Variants in UEVLD observed in about 807,000 individuals in gnomAD.
UEVLD encodes the protein UEV and lactate/malate dehyrogenase domains.
In UEVLD, 47 loss-of-function variants were observed where a neutral mutation model predicts 58.6. That is an observed-to-expected ratio of 0.80 (90% confidence interval 0.63 to 1.02). The LOEUF (loss-of-function observed/expected upper bound fraction) is 1.02, where lower values mean the gene tolerates loss of function less well. Ranked by LOEUF, UEVLD falls within the 50% of genes least tolerant of loss-of-function variation. The pLI, the probability that UEVLD is intolerant of heterozygous loss-of-function variation, is 0.00. For synonymous variants in UEVLD, 197 were observed against 195.3 expected (o/e 1.01, Z -0.07); for missense variants, 510 against 550.6 (o/e 0.93, Z 0.74).
Position 18,534,347 on chromosome 11 carries a change from C to A in UEVLD, c.1231G>T (p.Val411Leu). 21 of 1,544,586 alleles carry A rather than the reference C, an allele frequency of 1.4e-5. No individual in the cohort carries two copies. Among genetic ancestry groups the A allele is most frequent in the Non-Finnish European group, 1.8e-5 (21 of 1,154,128 alleles). ...GCAATTACCTTTGCTAAAGCTGATACAGAATGCACTTTCTTCTTATTGTTT... is the reference window on the plus strand; with the variant it reads ...GCAATTACCTTTGCTAAAGCTGATAAAGAATGCACTTTCTTCTTATTGTTT... Reference protein sequence around the residue: ...IVNNKKKVHSVSALAKGYYDI... With the variant: ...IVNNKKKVHSLSALAKGYYDI... The change falls in exon 11 of 12, where the codon GTA becomes TTA. Residue 411 changes from valine (V) to leucine (L), a missense_variant. By Grantham distance (32) the Val-to-Leu change is conservative (BLOSUM62 1). Transcript: ENST00000396197.
intron 8 of UEVLD, among the ~76,000 whole-genome samples, chr11:18,545,432 T>A (rs932552677): frequency 6.6e-6 from 1 of 151,188 alleles, no homozygotes; most frequent in Non-Finnish European, 1.5e-5. Flanking sequence ...TACATTTTAC[T>A]GTGTTTTGTT....
chr11:18,542,197 T>G (rs1005603532), intron 9 of UEVLD, among the ~76,000 whole-genome samples: 2 of 152,152 alleles, frequency 1.3e-5, no homozygotes, highest in African/African-American at 4.8e-5. Flanking sequence ...ATTATTATTT[T>G]CACATCATTT....
At chr11:18,586,095 T>C (rs934804638) in intron 1 of UEVLD, among the ~76,000 whole-genome samples, 5 of 152,254 alleles carry the variant, frequency 3.3e-5, no homozygotes, top group Non-Finnish European at 7.3e-5. Flanking sequence ...AACTGGGATA[T>C]CTATTTAATT....
chr11:18,541,981 T>A (rs1851074907), intron 9 of UEVLD, among the ~76,000 whole-genome samples: 1 of 152,140 alleles, frequency 6.6e-6, no homozygotes, highest in African/African-American at 2.4e-5. Context: ...CTTCCAGCTC[T>A]CTAATAACGT....
At chr11:18,586,227 T>A (rs1477956365) in intron 1 of UEVLD, among the ~76,000 whole-genome samples, 1 of 152,170 alleles carries the variant, frequency 6.6e-6, no homozygotes, top group African/African-American at 2.4e-5. Flanking sequence ...TTTTTTTTAT[T>A]TTTTTGAGAT....
At chr11:18,587,027 G>A (rs1431957199) in intron 1 of UEVLD, among the ~76,000 whole-genome samples, 6 of 152,036 alleles carry the variant, frequency 3.9e-5, no homozygotes, top group Admixed American at 1.3e-4. Context: ...GCGAGACTCC[G>A]TCTCAAAACA....
Position 18,555,284 on chromosome 11 carries a change from G to A in UEVLD, c.715+2944C>T, listed in dbSNP as rs895038967. Among the ~76,000 whole-genome samples, 45 of 152,110 alleles carry A rather than the reference G, an allele frequency of 3.0e-4. 1 individual carries two copies. Among genetic ancestry groups the A allele is most frequent in the Non-Finnish European group, 5.7e-4 (39 of 68,026 alleles). On this transcript the variant is annotated intron_variant, in intron 7 of 11. Transcript: ENST00000396197. ...TACTAAAAATACAAAAAATTAGCTG[G>A]GCATGGTGGTGGGCACCTGTAGTCC...
intron 10 of UEVLD, among the ~76,000 whole-genome samples, chr11:18,535,110 A>G (rs1320210282): frequency 6.6e-6 from 1 of 152,246 alleles, no homozygotes; most frequent in Non-Finnish European, 1.5e-5. Context: ...TAGTATGGAT[A>G]GCATAAATCT....
intron 9 of UEVLD, among the ~76,000 whole-genome samples, chr11:18,544,210 A>C (rs1487831232): frequency 1.3e-5 from 2 of 152,250 alleles, no homozygotes; most frequent in Non-Finnish European, 2.9e-5. Flanking sequence ...CAGAAGGCAC[A>C]CTCAAATGTG....
chr11:18,545,809 G>A (rs867342340), intron 8 of UEVLD, among the ~76,000 whole-genome samples: 47 of 152,290 alleles, frequency 3.1e-4, no homozygotes, highest in African/African-American at 1.1e-3. Context: ...ACAGTTAAGT[G>A]AGGATAAAAA....
At chr11:18,584,045 A>G (rs1022498610) in intron 1 of UEVLD, among the ~76,000 whole-genome samples, 1 of 152,190 alleles carries the variant, frequency 6.6e-6, no homozygotes, top group Non-Finnish European at 1.5e-5. Flanking sequence ...TTAGGGAACT[A>G]GGTAATTTCT....
chr11:18,570,745 C>CAAAAAAAAAA (rs559788859), intron 3 of UEVLD: 22 of 67,642 alleles, frequency 3.3e-4, no homozygotes, highest in Middle Eastern at 0.012. Context: ...GACACTGTTT[C>CAAAAAAAAAA]AAAAAAAAAA....
chr11:18,572,424 C>T (rs1305140534), intron 3 of UEVLD, among the ~76,000 whole-genome samples: 1 of 152,180 alleles, frequency 6.6e-6, no homozygotes, highest in Non-Finnish European at 1.5e-5. Flanking sequence ...GGCTTCACTT[C>T]ATCCCTTCCC....
chr11:18,542,493 C>G (rs1421506520), intron 9 of UEVLD, among the ~76,000 whole-genome samples: 1 of 152,088 alleles, frequency 6.6e-6, no homozygotes, highest in Non-Finnish European at 1.5e-5. Context: ...GTCATGCTGT[C>G]GGGTTTTTTA....
intron 7 of UEVLD, among the ~76,000 whole-genome samples, chr11:18,556,724 G>A (rs1032016456): frequency 5.3e-5 from 8 of 151,508 alleles, no homozygotes; most frequent in Non-Finnish European, 4.4e-5. Context: ...CCCCAAATAC[G>A]GTATTTACCT....
chr11:18,585,629 CTTT>C (rs1418149826), intron 1 of UEVLD, among the ~76,000 whole-genome samples: 3 of 149,012 alleles, frequency 2.0e-5, no homozygotes, highest in African/African-American at 7.4e-5. Context: ...TTCTTTCCTT[CTTT>C]ATTATTATTA....
At chr11:18,586,701 A>G (rs1853577281) in intron 1 of UEVLD, among the ~76,000 whole-genome samples, 1 of 152,130 alleles carries the variant, frequency 6.6e-6, no homozygotes, top group Admixed American at 6.6e-5. Context: ...TTATTTCTAG[A>G]TATTAAACAA....
rs1850556809 is a variant in UEVLD at position 18,531,431 on chromosome 11, T to G, written c.*889A>C. 1 of 152,232 alleles carries G rather than the reference T, an allele frequency of 6.6e-6. No individual in the cohort carries two copies. The highest frequency in any genetic ancestry group is 1.5e-5 in the Non-Finnish European group (1 of 68,036). The allele number at this position is 152,232 out of a possible 1,614,324, so 9.4% of individuals were successfully genotyped here. ...GCTCTTGATCCATCACCAAAGTGTG[T>G]GTACTCTGAACTGTATCATCAGGAG... is the stretch of plus-strand genomic sequence containing the variant. On this transcript the variant is annotated 3_prime_UTR_variant, in exon 12 of 12. Coordinates refer to ENST00000396197, the MANE Select transcript of UEVLD (RefSeq NM_001040697.4).
At chr11:18,575,523 C>T (rs1358651925) in intron 2 of UEVLD, 111 bp from the exon 3 acceptor site, 3 of 942,860 alleles carry the variant, frequency 3.2e-6, no homozygotes, top group Non-Finnish European at 4.8e-6. Flanking sequence ...CACACAAATA[C>T]ACACACAATC....
Sources: gnomAD v4.1 joint callset for allele counts (sites outside exome capture counted in the v4.1 genomes callset) on GRCh38, gnomAD v4.1.1 for gene constraint, MANE v1.5 for transcripts, NCBI Gene and HGNC (gene_info 2026-07-23, HGNC 2026-07-21) for gene names.